The following RYR2 variants were observed in gnomAD, a reference collection of about 807,000 sequenced individuals.
RYR2 encodes cardiac muscle ryanodine receptor-calcium release channel.
RYR2 carries 227 observed loss-of-function variants against 601.1 expected under a neutral mutation model. That is an observed-to-expected ratio of 0.38 (90% CI 0.34 to 0.42). The LOEUF (loss-of-function observed/expected upper bound fraction) is 0.42. Among genes scored for constraint, RYR2 ranks in the 10% least tolerant of loss-of-function variants. RYR2 has a pLI of 1.00. For missense variants in RYR2, 4,646 were observed against 6,156.5 expected (o/e 0.75, Z 8.21); for synonymous variants, 2,223 against 2,175.1 (o/e 1.02, Z -0.61).
At chr1:237,045,408 T>A (rs985021706) in intron 1 of RYR2, among the ~76,000 whole-genome samples, 1 of 152,202 alleles carries the variant, frequency 6.6e-6, no homozygotes, top group Non-Finnish European at 1.5e-5. Flanking sequence ...CTCTGGCATC[T>A]CTGTTCCATT....
chr1:237,667,152 G>A (rs1488988306), intron 57 of RYR2, among the ~76,000 whole-genome samples: 1 of 152,102 alleles, frequency 6.6e-6, no homozygotes, highest in East Asian at 1.9e-4. Context: ...AACCTACTTT[G>A]AAATAGCAGA....
chr1:237,212,122 A>T (rs1682650970), intron 1 of RYR2, among the ~76,000 whole-genome samples: 1 of 152,072 alleles, frequency 6.6e-6, no homozygotes, highest in African/African-American at 2.4e-5. Flanking sequence ...TTACAAAGAA[A>T]GTTCTTTGGA....
chr1:237,175,119 G>C (rs890924525), intron 1 of RYR2, among the ~76,000 whole-genome samples: 1 of 152,070 alleles, frequency 6.6e-6, no homozygotes, highest in Admixed American at 6.6e-5. Context: ...CAATCTGAAG[G>C]CTCATATTTT....
chr1:237,103,891 G>A (rs1668391641), intron 1 of RYR2, among the ~76,000 whole-genome samples: 1 of 151,974 alleles, frequency 6.6e-6, no homozygotes, highest in African/African-American at 2.4e-5. Context: ...TTGAACACCT[G>A]TTAGCTAGCA....
At chr1:237,121,640 G>C (rs1670789258) in intron 1 of RYR2, among the ~76,000 whole-genome samples, 1 of 152,170 alleles carries the variant, frequency 6.6e-6, no homozygotes, top group Non-Finnish European at 1.5e-5. Context: ...TAGAGGCAGA[G>C]ATCCGAATTC....
rs1329059135 is a variant in RYR2 at position 237,657,982 on chromosome 1, A to G, written c.8168A>G (p.Lys2723Arg). 1 of 1,521,064 alleles carries G rather than the reference A, an allele frequency of 6.6e-7. No homozygotes were observed. The highest frequency in any genetic ancestry group is 2.6e-5 in the East Asian group (1 of 38,752). The allele number at this position is 1,521,064 out of a possible 1,614,324, so 94.2% of individuals were successfully genotyped here. Reference protein sequence around the residue: ...IPEKLEYFINKYAEHSHDKWS... With the variant: ...IPEKLEYFINRYAEHSHDKWS... ...GAGAAATTGGAATACTTCATTAACA[A>G]ATATGCAGAACACTCCCATGACAAA... is the stretch of plus-strand genomic sequence containing the variant. Residue 2723 changes from lysine (K) to arginine (R), a missense_variant, in exon 54 of 105, where the codon AAA (lysine) becomes AGA (arginine). By Grantham distance (26) the Lys-to-Arg change is conservative. Coordinates refer to ENST00000366574, the MANE Select transcript of RYR2 (RefSeq NM_001035.3).
At chr1:237,256,472 C>G (rs1687997701) in intron 1 of RYR2, among the ~76,000 whole-genome samples, 1 of 152,114 alleles carries the variant, frequency 6.6e-6, no homozygotes, top group Admixed American at 6.6e-5. Context: ...TTTCAAAGCT[C>G]CCTACAAAGT....
Position 237,530,417 on chromosome 1 carries a change from TG to T in RYR2, c.2823-9del. On this transcript the variant is annotated splice_polypyrimidine_tract_variant and intron_variant, in intron 24 of 104. Transcript: ENST00000366574. ...AAATGATCACACTTATCTCTGGTTT[TG>T]TTTTCCAGGACTTTGTTGGCATTAG... is the stretch of plus-strand genomic sequence containing the variant. 1.9e-6 allele frequency: 3 copies of T among 1,596,744 alleles called. No individual in the cohort carries two copies. Among genetic ancestry groups the T allele is most frequent in the Non-Finnish European group, 1.7e-6 (2 of 1,169,570 alleles).
chr1:237,727,290 T>C (rs1690281736), intron 76 of RYR2, 91 bp downstream of exon 76: 1 of 516,626 alleles, frequency 1.9e-6, no homozygotes, highest in South Asian at 4.6e-5. Flanking sequence ...AGGGGTACAA[T>C]AGTCCAAGAG....
chr1:237,135,668 G>A (rs546881776), intron 1 of RYR2, among the ~76,000 whole-genome samples: 4 of 151,884 alleles, frequency 2.6e-5, no homozygotes, highest in South Asian at 4.2e-4. Flanking sequence ...GAGCCACCGC[G>A]CCCGGCCCCC....
intron 29 of RYR2, among the ~76,000 whole-genome samples, chr1:237,585,337 A>G (rs1158332862): frequency 2.0e-5 from 3 of 152,296 alleles, no homozygotes; most frequent in African/African-American, 7.2e-5. Flanking sequence ...AACGATTCCT[A>G]TCTCATTGGA....
At chr1:237,348,029 T>C (rs1056038591) in intron 3 of RYR2, among the ~76,000 whole-genome samples, 6 of 152,102 alleles carry the variant, frequency 3.9e-5, no homozygotes, top group African/African-American at 1.4e-4. Flanking sequence ...CCTGCAAAGT[T>C]TATGTAATCT....
chr1:237,649,825 G>A (rs1295972421), intron 49 of RYR2, 52 bp from the exon 50 acceptor site: 1 of 1,513,542 alleles, frequency 6.6e-7, no homozygotes. Flanking sequence ...TCCCTTTGAA[G>A]ATTATCTACT....
chr1:237,687,363 C>G, intron 62 of RYR2, 92 bp from the exon 63 acceptor site: 39 of 452,376 alleles, frequency 8.6e-5, no homozygotes, highest in East Asian at 1.3e-4. Flanking sequence ...CTTTTTTCTT[C>G]TTCTTTTTTT....
intron 2 of RYR2, among the ~76,000 whole-genome samples, chr1:237,271,670 TC>T (rs1689697435): frequency 6.6e-6 from 1 of 152,180 alleles, no homozygotes; most frequent in African/African-American, 2.4e-5. Flanking sequence ...AGGGTAAAAC[TC>T]ACAGCCACAG....
chr1:237,216,148 T>C (rs1470626002), intron 1 of RYR2, among the ~76,000 whole-genome samples: 2 of 152,192 alleles, frequency 1.3e-5, no homozygotes, highest in African/African-American at 4.8e-5. Context: ...AGTAAAATCA[T>C]ATATTAGGAC....
chr1:237,478,501 A>T (rs1243255407), intron 17 of RYR2, among the ~76,000 whole-genome samples: 1 of 152,218 alleles, frequency 6.6e-6, no homozygotes, highest in Non-Finnish European at 1.5e-5. Context: ...TAGCTACAAG[A>T]TTAATTTGAT....
intron 29 of RYR2, among the ~76,000 whole-genome samples, chr1:237,570,497 C>T (rs1293351999): frequency 6.6e-6 from 1 of 151,828 alleles, no homozygotes; most frequent in Non-Finnish European, 1.5e-5. Context: ...TACCACCATG[C>T]CCAGCTAATT....
chr1:237,327,754 T>C (rs1192577555), intron 2 of RYR2, among the ~76,000 whole-genome samples: 4 of 152,250 alleles, frequency 2.6e-5, no homozygotes, highest in African/African-American at 9.6e-5. Context: ...TTTTATATTC[T>C]TGACACTGTG....
Sources: gnomAD v4.1 joint callset for allele counts (sites outside exome capture counted in the v4.1 genomes callset) on GRCh38, gnomAD v4.1.1 for gene constraint, MANE v1.5 for transcripts, NCBI Gene and HGNC (gene_info 2026-07-23, HGNC 2026-07-21) for gene names.